Variants in BPIFA3 observed in about 807,000 individuals in gnomAD.
BPIFA3 encodes the protein BPI fold-containing family A member 3.
A neutral mutation model predicts 29.7 loss-of-function variants in BPIFA3; 32 were observed. The ratio of observed to expected loss-of-function variants is 1.08; its 90% confidence interval spans 0.81 to 1.45. BPIFA3 has a LOEUF of 1.45. Among genes scored for constraint, BPIFA3 ranks in the 40% most tolerant of loss-of-function variants. The pLI, the probability that BPIFA3 is intolerant of heterozygous loss-of-function variation, is 0.00. For missense variants in BPIFA3, 323 were observed against 311.3 expected (o/e 1.04, Z -0.28); for synonymous variants, 112 against 113.7 (o/e 0.98, Z 0.10).
chr20:33,220,209 T>C (rs930444272), intron 1 of BPIFA3, among the ~76,000 whole-genome samples: 21 of 151,494 alleles, frequency 1.4e-4, no homozygotes, highest in Non-Finnish European at 2.8e-4. Flanking sequence ...CCATCCTGGC[T>C]AACACGGTGA....
intron 1 of BPIFA3, among the ~76,000 whole-genome samples, chr20:33,219,125 G>A (rs118008544): frequency 0.041 from 6,284 of 152,110 alleles, 190 homozygotes; most frequent in Middle Eastern, 0.058. Flanking sequence ...AGGCGGTCTC[G>A]AACCCCTGAC....
intron 1 of BPIFA3, among the ~76,000 whole-genome samples, chr20:33,221,363 G>A (rs995372314): frequency 2.0e-5 from 3 of 152,082 alleles, no homozygotes; most frequent in African/African-American, 7.2e-5. Flanking sequence ...CACCATGTTG[G>A]CCAGGCGGGT....
intron 1 of BPIFA3, among the ~76,000 whole-genome samples, chr20:33,222,040 G>C (rs1985536725): frequency 6.6e-6 from 1 of 152,210 alleles, no homozygotes; most frequent in Admixed American, 6.5e-5. Flanking sequence ...GGTCAAGGCA[G>C]TGAAACTATA....
intron 5 of BPIFA3, 146 bp downstream of exon 5, chr20:33,226,636 T>G (rs980137769): frequency 1.4e-5 from 10 of 714,810 alleles, no homozygotes; most frequent in Non-Finnish European, 2.3e-5. Flanking sequence ...TGGCCATGAG[T>G]TTTGCCAGCC....
intron 1 of BPIFA3, among the ~76,000 whole-genome samples, chr20:33,221,999 A>G (rs1386990003): frequency 6.6e-6 from 1 of 152,240 alleles, no homozygotes; most frequent in Non-Finnish European, 1.5e-5. Context: ...AGTAACCCAG[A>G]GTTCTCAGTG....
intron 2 of BPIFA3, 83 bp from the exon 3 acceptor site, chr20:33,224,272 G>C: frequency 1.8e-6 from 2 of 1,137,998 alleles, no homozygotes; most frequent in Non-Finnish European, 2.6e-6. Flanking sequence ...CTTTATAGTC[G>C]GACAGCCTTG....
chr20:33,218,029 T>G (rs1985345129), intron 1 of BPIFA3, among the ~76,000 whole-genome samples: 1 of 152,238 alleles, frequency 6.6e-6, no homozygotes. Context: ...TAAATTGTAT[T>G]GTACTTTAAT....
intron 1 of BPIFA3, 61 bp from the exon 2 acceptor site, chr20:33,223,750 C>A: frequency 6.4e-7 from 1 of 1,562,610 alleles, no homozygotes; most frequent in African/African-American, 1.3e-5. Flanking sequence ...GCCTCCGAAT[C>A]CCAAGCCCCC....
chr20:33,222,148 AG>A (rs1985541397), intron 1 of BPIFA3, among the ~76,000 whole-genome samples: 1 of 152,256 alleles, frequency 6.6e-6, no homozygotes, highest in Non-Finnish European at 1.5e-5. Flanking sequence ...TGAAAGTCAG[AG>A]ATAGGACAAG....
chr20:33,217,332 G>T, upstream of BPIFA3: 1 of 545,852 alleles, frequency 1.8e-6, no homozygotes, highest in Non-Finnish European at 3.1e-6. Context: ...TCCTCCCAGG[G>T]TTCCACATGT....
chr20:33,222,161 TC>T (rs1196813556), intron 1 of BPIFA3, among the ~76,000 whole-genome samples: 5 of 152,246 alleles, frequency 3.3e-5, no homozygotes, highest in African/African-American at 1.2e-4. Flanking sequence ...TAGGACAAGC[TC>T]CAGGTTTGGT....
Position 33,226,414 on chromosome 20 carries a change from C to A in BPIFA3, c.545C>A (p.Pro182Gln). The A allele has an allele frequency of 6.2e-7, 1 of 1,611,662 alleles. No homozygotes were observed. Among genetic ancestry groups the A allele is most frequent in the South Asian group, 1.1e-5 (1 of 90,836 alleles). The change falls in exon 5 of 7, where the codon CCA becomes CAA. Residue 182 changes from proline to glutamine, a missense_variant. Pro to Gln is a moderately conservative substitution (Grantham distance 76). Transcript: ENST00000375454. The part of the protein sequence containing the change: ...VHVAILTEAI[P>Q]PKMNQFLYNL... ...TCTACCTTTCTTTCTAGGGCTATCC[C>A]ACCAAAGATGAATCAGTTTCTCTAC...
At position 33,217,389 on chromosome 20, in the gene BPIFA3, T is replaced by G; in HGVS notation, c.-148T>G. 9.6e-7 allele frequency: 1 copy of G among 1,036,322 alleles called. No homozygotes were observed. Among genetic ancestry groups the G allele is most frequent in the Non-Finnish European group, 1.4e-6 (1 of 736,530 alleles). 64.2% of individuals were successfully genotyped at this position (1,036,322 alleles called of 1,614,324 possible). ...CCCTGGTGGCAGCGCCAGGGTCCAG[T>G]GCAGCCCCTCCCCACAGCATGCTGG... On this transcript the variant is annotated 5_prime_UTR_variant, in exon 1 of 7. Transcript: ENST00000375454.
At position 33,217,563 on chromosome 20, in the gene BPIFA3, C is replaced by T. The variant is rs200081393; in HGVS notation, c.27C>T (p.Leu9=). The T allele has an allele frequency of 1.6e-5, 26 of 1,614,220 alleles. No individual in the cohort carries two copies. Among genetic ancestry groups the T allele is most frequent in the African/African-American group, 5.3e-5 (4 of 75,064 alleles). MMCPLWRL[L]IFLGLLALPL... ...TGATGTGTCCACTCTGGAGGCTCCTCATCTTCCTCGGGTTGCTGGCCTTGC... is the reference window on the plus strand; with the variant it reads ...TGATGTGTCCACTCTGGAGGCTCCTTATCTTCCTCGGGTTGCTGGCCTTGC... The change falls in exon 1 of 7, where the codon CTC becomes CTT. Residue 9 remains leucine (L), a synonymous_variant. Coordinates refer to ENST00000375454, the MANE Select transcript of BPIFA3 (RefSeq NM_178466.5).
At position 33,219,777 on chromosome 20, in the gene BPIFA3, C is replaced by T. The variant is rs150892276; in HGVS notation, c.127+2114C>T. Among the ~76,000 whole-genome samples the T allele has an allele frequency of 2.4e-4, 37 of 152,316 alleles. No individual in the cohort carries two copies. The East Asian group carries it at 2.9e-3, about 12-fold the overall frequency. ...CTGTTTTATCTGACAGACCTATATT[C>T]TTCCAAATGAATTTTAGAGTGTGTT... On this transcript the variant is annotated intron_variant, in intron 1 of 6. Coordinates refer to ENST00000375454, the MANE Select transcript of BPIFA3 (RefSeq NM_178466.5).
Position 33,223,982 on chromosome 20 carries a change from C to T in BPIFA3, c.278+21C>T, listed in dbSNP as rs753109478. Reference sequence around the variant, plus strand: ...AGCAGGTGAGACCCTGAGTTCTATCCGTGGCCCTGGAACTCTTTATAGAGC... The same window carrying T: ...AGCAGGTGAGACCCTGAGTTCTATCTGTGGCCCTGGAACTCTTTATAGAGC... On this transcript the variant is annotated intron_variant, in intron 2 of 6. Transcript: ENST00000375454. 1.3e-4 allele frequency: 212 copies of T among 1,611,992 alleles called. 6 individuals carry two copies. The South Asian group carries it at 2.2e-3, about 17-fold the overall frequency.
intron 6 of BPIFA3, 86 bp downstream of exon 6, chr20:33,227,079 G>C: frequency 1.7e-6 from 2 of 1,184,274 alleles, no homozygotes; most frequent in Non-Finnish European, 2.5e-6. Flanking sequence ...CCCCCAGGGA[G>C]GCCTGCTAAG....
intron 6 of BPIFA3, 102 bp downstream of exon 6, chr20:33,227,095 T>C: frequency 2.1e-6 from 2 of 972,758 alleles, no homozygotes; most frequent in Admixed American, 3.5e-5. Context: ...CTAAGGGGCG[T>C]CTGCATGTGC....
At chr20:33,222,774 A>G (rs781433550) in intron 1 of BPIFA3, among the ~76,000 whole-genome samples, 2 of 152,226 alleles carry the variant, frequency 1.3e-5, no homozygotes, top group African/African-American at 4.8e-5. Context: ...AAGCACCACT[A>G]TAATCATGAA....
Sources: gnomAD v4.1 joint callset for allele counts (sites outside exome capture counted in the v4.1 genomes callset) on GRCh38, gnomAD v4.1.1 for gene constraint, MANE v1.5 for transcripts, NCBI Gene and HGNC (gene_info 2026-07-23, HGNC 2026-07-21) for gene names.